The following NALCN variants were observed in gnomAD, a reference collection of about 807,000 sequenced individuals.
NALCN encodes the protein sodium leak channel NALCN.
In NALCN, 111 loss-of-function variants were observed where a neutral mutation model predicts 225.3. The ratio of observed to expected loss-of-function variants is 0.49; its 90% CI spans 0.42 to 0.58. The LOEUF (loss-of-function observed/expected upper bound fraction) is 0.58. Ranked by LOEUF, NALCN falls within the 20% of genes least tolerant of loss-of-function variation. NALCN has a pLI of 0.00. For missense variants in NALCN, 1,378 were observed against 2,202.4 expected (o/e 0.63, Z 7.49); for synonymous variants, 764 against 769.0 (o/e 0.99, Z 0.11).
At chr13:101,076,764 C>T (rs1447665734) in intron 34 of NALCN, among the ~76,000 whole-genome samples, 2 of 152,180 alleles carry the variant, frequency 1.3e-5, no homozygotes, top group African/African-American at 2.4e-5. Context: ...CAAAGAGGTT[C>T]TTGGAGAAGA....
intron 17 of NALCN, among the ~76,000 whole-genome samples, chr13:101,142,140 T>TTTC (rs1440957594): frequency 9.6e-6 from 1 of 103,748 alleles, no homozygotes; most frequent in African/African-American, 3.6e-5. Context: ...TTCTATGTCT[T>TTTC]TTTTTTTTTT....
chr13:101,286,283 G>A (rs559389437), intron 9 of NALCN, among the ~76,000 whole-genome samples: 1 of 152,230 alleles, frequency 6.6e-6, no homozygotes, highest in East Asian at 1.9e-4. Flanking sequence ...TCTGTATGGG[G>A]CCACTAGGCT....
intron 33 of NALCN, among the ~76,000 whole-genome samples, chr13:101,082,087 A>G (rs757187519): frequency 6.6e-6 from 1 of 152,168 alleles, no homozygotes; most frequent in Admixed American, 6.5e-5. Context: ...CACGTTGGCC[A>G]GGCTGGTCTC....
At chr13:101,308,438 AG>A (rs769438817) in intron 7 of NALCN, among the ~76,000 whole-genome samples, 1 of 152,186 alleles carries the variant, frequency 6.6e-6, no homozygotes, top group Non-Finnish European at 1.5e-5. Flanking sequence ...GTAAGTGTTG[AG>A]TTTGGCAGAG....
rs60948311 is a variant in NALCN, at chr13:101,101,281, C to CTTTTTTT, written c.3058-400_3058-394dup. ...GACATATATATATTTATTTTTTTTT[C>CTTTTTTT]TTTTTTTTTTTTTTTTTGAGATGGA... On this transcript the variant is annotated intron_variant, in intron 26 of 43. Coordinates refer to ENST00000251127, the MANE Select transcript of NALCN (RefSeq NM_052867.4). Among the ~76,000 whole-genome samples, 46 of 112,354 alleles carry CTTTTTTT rather than the reference C, an allele frequency of 4.1e-4. 1 individual carries two copies. The highest frequency in any genetic ancestry group is 7.6e-4 in the East Asian group (3 of 3,970). 73.7% of individuals were successfully genotyped at this position (112,354 alleles called of 152,430 possible).
chr13:101,295,961 C>G (rs2043737723), intron 7 of NALCN, among the ~76,000 whole-genome samples: 1 of 152,102 alleles, frequency 6.6e-6, no homozygotes, highest in African/African-American at 2.4e-5. Flanking sequence ...AGTGGAGGAC[C>G]CTGAGAAAGA....
At position 101,083,085 on chromosome 13, in the gene NALCN, G is replaced by C; in HGVS notation, c.3690+7C>G. 6.2e-7 allele frequency: 1 copy of C among 1,613,428 alleles called. No individual in the cohort carries two copies. On this transcript the variant is annotated splice_region_variant and intron_variant, in intron 32 of 43. Coordinates refer to ENST00000251127, the MANE Select transcript of NALCN (RefSeq NM_052867.4). ...CATTCCCGGAGTCTTAGGGTGAAAC[G>C]AAGTACCTTGACAGAGAGCAACACC...
chr13:101,322,837 C>T (rs896141641), intron 7 of NALCN, among the ~76,000 whole-genome samples: 5 of 151,986 alleles, frequency 3.3e-5, no homozygotes, highest in Admixed American at 2.0e-4. Flanking sequence ...CTCAGCCTCC[C>T]AAGTAGCTGG....
chr13:101,070,063 G>GTTTTTTTTTTTTTTTTTTT (rs71121162), intron 37 of NALCN, among the ~76,000 whole-genome samples: 2 of 98,314 alleles, frequency 2.0e-5, no homozygotes, highest in Non-Finnish European at 1.8e-5. Context: ...AATCATGAAT[G>GTTTTTTTTTTTTTTTTTTT]TTTTTTTTTT....
chr13:101,186,820 A>G (rs2039468009), intron 14 of NALCN, among the ~76,000 whole-genome samples: 1 of 152,184 alleles, frequency 6.6e-6, no homozygotes, highest in Non-Finnish European at 1.5e-5. Flanking sequence ...ATATCTAACT[A>G]GTAAGTAGAG....
Position 101,292,191 on chromosome 13 carries a change from C to A in NALCN, c.942+33G>T, listed in dbSNP as rs2043580041. ...AAAGATCTGCAGAACTATCACAGAA[C>A]ATAGACTTTCTTAGTACAATTCTTC... On this transcript the variant is annotated intron_variant, in intron 8 of 43. Coordinates refer to ENST00000251127, the MANE Select transcript of NALCN (RefSeq NM_052867.4). This position sits in a 1 kb window ranked among gnomAD's most constrained non-coding sequence, Gnocchi z 4.3. 1.9e-6 allele frequency: 3 copies of A among 1,613,182 alleles called. No individual in the cohort carries two copies. The highest frequency in any genetic ancestry group is 1.3e-5 in the African/African-American group (1 of 74,874).
chr13:101,117,116 A>G, intron 18 of NALCN: 1 of 379,840 alleles, frequency 2.6e-6, no homozygotes, highest in South Asian at 2.0e-5. Context: ...ACTGCCAGTT[A>G]GTTCTTCCCA....
At chr13:101,250,833 G>A (rs2042040929) in intron 11 of NALCN, among the ~76,000 whole-genome samples, 1 of 151,786 alleles carries the variant, frequency 6.6e-6, no homozygotes, top group African/African-American at 2.4e-5. Context: ...CTAGATAACT[G>A]AAAAATCAAT....
intron 7 of NALCN, among the ~76,000 whole-genome samples, chr13:101,302,212 C>G (rs2043998212): frequency 6.6e-6 from 1 of 152,152 alleles, no homozygotes; most frequent in South Asian, 2.1e-4. Context: ...TGGTTCATAT[C>G]TGCATCATCA....
intron 14 of NALCN, among the ~76,000 whole-genome samples, chr13:101,186,842 A>T (rs1209444887): frequency 6.6e-6 from 1 of 152,156 alleles, no homozygotes; most frequent in East Asian, 1.9e-4. Context: ...TGAGCTAAAG[A>T]CTTAAAGGTG....
chr13:101,110,210 A>G (rs190648843), intron 20 of NALCN, among the ~76,000 whole-genome samples: 341 of 152,320 alleles, frequency 2.2e-3, no homozygotes, highest in Admixed American at 5.6e-3. Flanking sequence ...CTAGAAATAA[A>G]ATTTCACTTC....
intron 22 of NALCN, among the ~76,000 whole-genome samples, chr13:101,105,545 T>C (rs1184611906): frequency 6.6e-6 from 1 of 152,128 alleles, no homozygotes; most frequent in Non-Finnish European, 1.5e-5. Flanking sequence ...GCTGCCTTGC[T>C]GATAAAAGGG....
chr13:101,082,770 GCA>G (rs2033725052), intron 33 of NALCN, 37 bp downstream of exon 33: 1 of 1,600,972 alleles, frequency 6.2e-7, no homozygotes, highest in Non-Finnish European at 8.6e-7. Context: ...TTAAAACTGT[GCA>G]CAGATTCCCC....
At chr13:101,311,240 T>C (rs1281564939) in intron 7 of NALCN, among the ~76,000 whole-genome samples, 4 of 151,616 alleles carry the variant, frequency 2.6e-5, no homozygotes, top group Non-Finnish European at 5.9e-5. Context: ...AAGTTGCTTA[T>C]CAGCTTAAGG....
Sources: gnomAD v4.1 joint callset for allele counts (sites outside exome capture counted in the v4.1 genomes callset) on GRCh38, gnomAD v4.1.1 for gene constraint, Gnocchi (gnomAD v3.1) non-coding constraint, MANE v1.5 for transcripts, NCBI Gene and HGNC (gene_info 2026-07-23, HGNC 2026-07-21) for gene names.